CYFIP1: variants seen among roughly 807,000 people sequenced by gnomAD.
The protein encoded by CYFIP1 is cytoplasmic FMR1-interacting protein 1.
In CYFIP1, 58 loss-of-function variants were observed where a neutral mutation model predicts 163.5. The ratio of observed to expected loss-of-function variants is 0.35; its 90% confidence interval spans 0.29 to 0.44. The LOEUF is 0.44. Among genes scored for constraint, CYFIP1 ranks in the 20% least tolerant of loss-of-function variants. CYFIP1 has a pLI of 1.00. For synonymous variants in CYFIP1, 663 were observed against 660.7 expected (o/e 1.00, Z -0.05); for missense variants, 1,338 against 1,653.8 (o/e 0.81, Z 3.31).
chr15:22,944,777 G>T (rs571852547), intron 4 of CYFIP1, 85 bp downstream of exon 4: 3 of 1,530,100 alleles, frequency 2.0e-6, no homozygotes, highest in South Asian at 2.2e-5. Flanking sequence ...AGGAGAGTGG[G>T]CCAGGCATGG....
rs2060761444 is a variant in CYFIP1 at position 22,910,766 on chromosome 15, T to C, written c.2130A>G (p.Ile710Met). 6.2e-7 allele frequency: 1 copy of C among 1,614,004 alleles called. No individual in the cohort carries two copies. The highest frequency in any genetic ancestry group is 8.5e-7 in the Non-Finnish European group (1 of 1,179,896). Residue 710 changes from isoleucine (I) to methionine (M), a missense_variant, in exon 19 of 31, where the codon ATA (isoleucine) becomes ATG (methionine). Ile to Met is a conservative substitution (Grantham distance 10, BLOSUM62 1). This residue lies in a region of CYFIP1 where 824 missense variants were observed against 995.7 expected (regional missense o/e 0.83). Transcript: ENST00000617928. ...DQFVYKLADQIFAYYKVMAGS... is the reference protein window; with the variant it reads ...DQFVYKLADQMFAYYKVMAGS... ...CTGCCATAACCTTATAATAGGCAAATATCTGGTCTGCTAGCTTGTAAACAA... is the reference window on the plus strand; with the variant it reads ...CTGCCATAACCTTATAATAGGCAAACATCTGGTCTGCTAGCTTGTAAACAA...
chr15:22,875,885 C>CATACATACATACATATATATATAT (rs56999943), intron 26 of CYFIP1, among the ~76,000 whole-genome samples: 1 of 130,786 alleles, frequency 7.6e-6, no homozygotes. Context: ...TCCAGAATAA[C>CATACATACATACATATATATATAT]ATATATATAT....
chr15:22,931,345 AT>A (rs2061530729), intron 11 of CYFIP1, among the ~76,000 whole-genome samples: 1 of 152,096 alleles, frequency 6.6e-6, no homozygotes, highest in Admixed American at 6.5e-5. Context: ...AAATGACAAC[AT>A]GGCAAACCCA....
In CYFIP1 at chr15:22,956,746, A is replaced by C. The variant is rs565852804; in HGVS notation, c.-6-9455T>G. On this transcript the variant is annotated intron_variant, in intron 1 of 30. Transcript: ENST00000617928. ...CTGCCGCCCCGAGACAGCAGTGTGCATGCGGCCACTCTGGCCGGGCCCAGG... is the reference window on the plus strand; with the variant it reads ...CTGCCGCCCCGAGACAGCAGTGTGCCTGCGGCCACTCTGGCCGGGCCCAGG... Among the ~76,000 whole-genome samples, 3 of 152,308 alleles carry C rather than the reference A, an allele frequency of 2.0e-5. No individual in the cohort carries two copies. In the South Asian group the frequency reaches 6.2e-4, roughly 32 times the overall value.
At chr15:22,925,653 G>C (rs905906758) in intron 13 of CYFIP1, among the ~76,000 whole-genome samples, 3 of 152,238 alleles carry the variant, frequency 2.0e-5, no homozygotes, top group Middle Eastern at 6.8e-3. Flanking sequence ...GGAGTGCAGC[G>C]CCTGCCTCAC....
chr15:22,887,623 C>G (rs775476628), intron 23 of CYFIP1, among the ~76,000 whole-genome samples: 2 of 152,170 alleles, frequency 1.3e-5, no homozygotes, highest in Non-Finnish European at 2.9e-5. Flanking sequence ...GCCTCTGGCC[C>G]CCTGCCCAGT....
chr15:22,882,026 A>G (rs2059780531), intron 24 of CYFIP1, 90 bp from the exon 25 acceptor site: 2 of 1,119,718 alleles, frequency 1.8e-6, no homozygotes, highest in African/African-American at 1.5e-5. Context: ...CAAGTCTGTT[A>G]GCAAAGAGCT....
Position 22,869,875 on chromosome 15 carries a change from A to G in CYFIP1, c.*153T>C. 1.6e-6 allele frequency: 1 copy of G among 624,504 alleles called. No individual in the cohort carries two copies. Among genetic ancestry groups the G allele is most frequent in the Non-Finnish European group, 2.4e-6 (1 of 418,116 alleles). 38.7% of individuals were successfully genotyped at this position (624,504 alleles called of 1,614,324 possible). On this transcript the variant is annotated 3_prime_UTR_variant, in exon 31 of 31. Coordinates refer to ENST00000617928, the MANE Select transcript of CYFIP1 (RefSeq NM_014608.6). Reference sequence around the variant, plus strand: ...AGCATATACAATTTTAGTCTAGAAAAATAAGTCAATTTTATAAAATTAAGT... The same window carrying G: ...AGCATATACAATTTTAGTCTAGAAAGATAAGTCAATTTTATAAAATTAAGT...
At chr15:22,905,727 C>T (rs1421851223) in intron 21 of CYFIP1, among the ~76,000 whole-genome samples, 1 of 150,516 alleles carries the variant, frequency 6.6e-6, no homozygotes, top group Non-Finnish European at 1.5e-5. Context: ...AGCGAGCCAC[C>T]GAGTGCCCAG....
intron 22 of CYFIP1, among the ~76,000 whole-genome samples, chr15:22,898,166 G>A (rs1352091623): frequency 6.6e-6 from 1 of 152,188 alleles, no homozygotes. Flanking sequence ...TCTGAAAACA[G>A]CTGATCCATA....
At chr15:22,912,473 G>C in intron 17 of CYFIP1, 198 bp from the exon 18 acceptor site, 1 of 501,724 alleles carries the variant, frequency 2.0e-6, no homozygotes, top group East Asian at 3.3e-5. Flanking sequence ...ACCAGGCTGC[G>C]AGGATGCTTG....
At chr15:22,979,809 G>A (rs1173054998) in intron 1 of CYFIP1, among the ~76,000 whole-genome samples, 3 of 152,084 alleles carry the variant, frequency 2.0e-5, no homozygotes, top group African/African-American at 7.2e-5. Flanking sequence ...CTCCTCACAG[G>A]GGCACGAAAC....
At chr15:22,881,384 C>T (rs1240018165) in intron 25 of CYFIP1, among the ~76,000 whole-genome samples, 1 of 152,224 alleles carries the variant, frequency 6.6e-6, no homozygotes, top group Non-Finnish European at 1.5e-5. Flanking sequence ...ATTTGCATTG[C>T]CCCAAACCAA....
chr15:22,905,267 T>G (rs550769887), intron 21 of CYFIP1: 1 of 152,294 alleles, frequency 6.6e-6, no homozygotes, highest in East Asian at 1.9e-4. Flanking sequence ...GATGTATGCT[T>G]TTAATAGACA....
chr15:22,969,022 G>A (rs1168758710), intron 1 of CYFIP1, among the ~76,000 whole-genome samples: 1 of 152,118 alleles, frequency 6.6e-6, no homozygotes, highest in African/African-American at 2.4e-5. Flanking sequence ...CCACTGTCCT[G>A]GCCAGGAAAA....
rs1051288 is a variant in CYFIP1 at position 22,868,260 on chromosome 15, G to C, written c.*1768C>G. 6.6e-6 allele frequency: 1 copy of C among 151,932 alleles called. No individual in the cohort carries two copies. The allele number at this position is 151,932 out of a possible 1,614,324, so 9.4% of individuals were successfully genotyped here. ...CATTTTAATACTACAGATGTACTAC[G>C]TATCTGTTTATATACTGTACCTACA... On this transcript the variant is annotated 3_prime_UTR_variant, in exon 31 of 31. Coordinates refer to ENST00000617928, the MANE Select transcript of CYFIP1 (RefSeq NM_014608.6).
intron 1 of CYFIP1, among the ~76,000 whole-genome samples, chr15:22,978,349 T>G (rs1331054300): frequency 2.1e-5 from 1 of 48,586 alleles, no homozygotes; most frequent in African/African-American, 1.0e-4. Flanking sequence ...TAAGACTCTG[T>G]CACAAAAAAA....
rs114789881 is a variant in CYFIP1 at position 22,947,199 on chromosome 15, G to T, written c.87C>A (p.Ile29=). ...AGAGCAGCGAGGATGGCGGGGGCTC[G>T]ATGCAGGGCTGCTGGTCGGGCAGGG... The part of the protein sequence containing the change: ...ELPLPDQQPC[I]EPPPSSLLYQ... The change falls in exon 2 of 31, where the codon ATC becomes ATA. Residue 29 remains isoleucine, a synonymous_variant. Transcript: ENST00000617928. The T allele has an allele frequency of 1.2e-6, 2 of 1,614,038 alleles. No individual in the cohort carries two copies. Among genetic ancestry groups the T allele is most frequent in the Admixed American group, 1.7e-5 (1 of 60,016 alleles).
chr15:22,884,504 T>A (rs563022950), intron 23 of CYFIP1, among the ~76,000 whole-genome samples: 1 of 152,320 alleles, frequency 6.6e-6, no homozygotes, highest in South Asian at 2.1e-4. Context: ...TGATGTAAGA[T>A]GTGGGCTCCC....
Sources: allele counts gnomAD v4.1 joint callset (sites outside exome capture counted in the v4.1 genomes callset), GRCh38; gene constraint gnomAD v4.1.1; regional missense constraint gnomAD v4.1.1; transcripts MANE v1.5; gene names NCBI Gene and HGNC (gene_info 2026-07-23, HGNC 2026-07-21).